Variants in DIAPH2 observed in about 807,000 individuals in gnomAD.
DIAPH2 encodes the protein diaphanous related formin 2.
A neutral mutation model predicts 92.7 loss-of-function variants in DIAPH2; 35 were observed. That is an observed-to-expected ratio of 0.38 (90% CI 0.29 to 0.50). The LOEUF is 0.50. DIAPH2 is among the 20% of genes least tolerant of loss of function. DIAPH2 has a pLI of 0.94. For synonymous variants in DIAPH2, 301 were observed against 280.4 expected, an observed-to-expected ratio of 1.07 and a Z score of -0.73; for missense variants, 701 against 819.5, an observed-to-expected ratio of 0.86 and a Z score of 1.77.
intron 17 of DIAPH2, among the ~76,000 whole-genome samples, chrX:97,001,621 G>A (rs1602704362): frequency 9.0e-6 from 1 of 111,220 alleles, no homozygotes; most frequent in South Asian, 3.8e-4. Flanking sequence ...ACTCCAGCCC[G>A]GGCAACAATG....
chrX:97,385,534 T>C (rs1308226788), intron 25 of DIAPH2, among the ~76,000 whole-genome samples: 1 of 111,357 alleles, frequency 9.0e-6, no homozygotes, highest in Non-Finnish European at 1.9e-5. Context: ...CCCGGCACTT[T>C]TACATATTTT....
At chrX:97,076,815 C>G (rs1298597240) in intron 19 of DIAPH2, among the ~76,000 whole-genome samples, 2 of 111,046 alleles carry the variant, frequency 1.8e-5, no homozygotes, top group Admixed American at 9.6e-5. Context: ...GTTTTTAGAC[C>G]TCCATTCCCT....
intron 4 of DIAPH2, among the ~76,000 whole-genome samples, chrX:96,854,667 C>CAAATG (rs1391996166): frequency 1.2e-5 from 1 of 82,634 alleles, no homozygotes; most frequent in Non-Finnish European, 2.3e-5. Flanking sequence ...AGGCAGCTAC[C>CAAATG]AAATGACTAA....
intron 26 of DIAPH2, among the ~76,000 whole-genome samples, chrX:97,541,488 G>A (rs1018472615): frequency 1.8e-5 from 2 of 111,957 alleles, no homozygotes; most frequent in African/African-American, 3.2e-5. Context: ...CAACATTGCC[G>A]CATATCACAT....
At chrX:97,342,316 T>C (rs1220128968) in intron 23 of DIAPH2, among the ~76,000 whole-genome samples, 2 of 112,306 alleles carry the variant, frequency 1.8e-5, no homozygotes, top group African/African-American at 6.5e-5. Flanking sequence ...TCCTATGCAG[T>C]GTTAGAATGA....
chrX:96,881,728 T>C lies in DIAPH2; in HGVS notation c.587+10T>C. ...CCAGCAATCCGGTCAGGTAAGTCGT[T>C]CTTATCATTTCGGTATGATTCATAC... is the stretch of plus-strand genomic sequence containing the variant. On this transcript the variant is annotated intron_variant, in intron 5 of 26. Coordinates refer to ENST00000324765, the MANE Select transcript of DIAPH2 (RefSeq NM_006729.5). 8.3e-7 allele frequency: 1 copy of C among 1,202,641 alleles called. No individual in the cohort carries two copies. Among genetic ancestry groups the C allele is most frequent in the African/African-American group, 1.7e-5 (1 of 57,546 alleles).
chrX:97,103,176 G>C (rs780928699), intron 20 of DIAPH2, among the ~76,000 whole-genome samples: 7 of 111,570 alleles, frequency 6.3e-5, no homozygotes, highest in Non-Finnish European at 1.1e-4. Flanking sequence ...TTAGGTGGTA[G>C]TATCTCTTGC....
chrX:97,479,611 G>A (rs1166597475), intron 26 of DIAPH2, among the ~76,000 whole-genome samples: 10 of 112,060 alleles, frequency 8.9e-5, no homozygotes, highest in Non-Finnish European at 7.5e-5. Context: ...GGGCAAATTA[G>A]TTAACCTCAC....
rs746981182 is a variant in DIAPH2, at chrX:97,380,585, TTTC to T, written c.3010-3320_3010-3318del. Among the ~76,000 whole-genome samples, 624 of 111,716 alleles carry T rather than the reference TTTC, an allele frequency of 5.6e-3. 2 individuals are homozygous for T. Among genetic ancestry groups the T allele is most frequent in the African/African-American group, 0.019 (592 of 30,765 alleles). On this transcript the variant is annotated intron_variant, in intron 24 of 26. Transcript: ENST00000324765. The stretch of plus-strand genomic sequence containing the variant: ...ACATCCCATCCCTCAAAATAATTTT[TTTC>T]TTCACCAGCTTTTACATTTTTAGAA...
intron 21 of DIAPH2, among the ~76,000 whole-genome samples, chrX:97,137,301 A>ATATATATATATG (rs1555989252): frequency 1.1e-5 from 1 of 93,122 alleles, no homozygotes; most frequent in African/African-American, 3.9e-5. Flanking sequence ...ATATATATAT[A>ATATATATATATG]TGTATAGAAT....
At chrX:97,303,264 T>C (rs1161939663) in intron 23 of DIAPH2, among the ~76,000 whole-genome samples, 1 of 112,280 alleles carries the variant, frequency 8.9e-6, no homozygotes, top group Non-Finnish European at 1.9e-5. Flanking sequence ...CAATGGATTA[T>C]GGTCTGCTTC....
intron 4 of DIAPH2, among the ~76,000 whole-genome samples, chrX:96,809,854 T>C (rs916541410): frequency 8.9e-6 from 1 of 112,305 alleles, no homozygotes; most frequent in African/African-American, 3.2e-5. Context: ...AACTCATCAT[T>C]TTTTATGGCT....
At position 96,814,672 on chromosome X, in the gene DIAPH2, C is replaced by T. The variant is rs765957986; in HGVS notation, c.447+56414C>T. 1.4e-3 allele frequency among the ~76,000 whole-genome samples: 156 copies of T among 111,969 alleles called. 1 individual carries two copies. Among genetic ancestry groups the T allele is most frequent in the African/African-American group, 4.7e-3 (146 of 30,807 alleles). ...TTCTCATCTTTGTGGTTTTATCTAC[C>T]TTTGGTCTTTGAAATGGGTGACCTC... On this transcript the variant is annotated intron_variant, in intron 4 of 26. Transcript: ENST00000324765.
At position 97,599,697 on chromosome X, in the gene DIAPH2, A is replaced by AAAAAG. The variant is rs1281375370; in HGVS notation, c.*383_*387dup. The AAAAAG allele has an allele frequency of 6.4e-5, 8 of 125,436 alleles. No homozygotes were observed. 10.3% of individuals were successfully genotyped at this position (125,436 alleles called of 1,213,427 possible). ...ACCCCCACCAAAAACAAAAGAGAAG[A>AAAAAG]AAAAGAATAGAAAGAATTATCCAGT... On this transcript the variant is annotated 3_prime_UTR_variant, in exon 27 of 27. Transcript: ENST00000324765.
At chrX:96,991,539 G>GTTTTTTT (rs5903062) in intron 17 of DIAPH2, among the ~76,000 whole-genome samples, 1 of 87,329 alleles carries the variant, frequency 1.1e-5, no homozygotes, top group African/African-American at 4.3e-5. Context: ...GTTTTATGGT[G>GTTTTTTT]TTTTTTTTTT....
At chrX:97,198,324 A>G (rs1011801668) in intron 22 of DIAPH2, among the ~76,000 whole-genome samples, 78 of 108,255 alleles carry the variant, frequency 7.2e-4, no homozygotes, top group African/African-American at 2.7e-3. Context: ...ATACATATAT[A>G]TATACACGCA....
In DIAPH2 at chrX:96,751,716, G is replaced by C. The variant is rs374568721; in HGVS notation, c.343-6438G>C. 1.2e-4 allele frequency among the ~76,000 whole-genome samples: 8 copies of C among 66,503 alleles called. No individual in the cohort carries two copies. In the South Asian group the frequency reaches 5.7e-3, roughly 48 times the overall value. 57.7% of individuals were successfully genotyped at this position (66,503 alleles called of 115,157 possible). On this transcript the variant is annotated intron_variant, in intron 3 of 26. Transcript: ENST00000324765. ...TCGCCCAGGCTGGAGTGCAGTGGCG[G>C]GATCTCGGCTCACTGCAAGCTCCGC...
At chrX:97,294,343 C>T (rs2068625512) in intron 23 of DIAPH2, among the ~76,000 whole-genome samples, 1 of 111,871 alleles carries the variant, frequency 8.9e-6, no homozygotes, top group Admixed American at 9.6e-5. Flanking sequence ...AGAAACATTC[C>T]AGTTCGTTGG....
intron 23 of DIAPH2, among the ~76,000 whole-genome samples, chrX:97,344,573 C>T (rs1017120227): frequency 8.9e-6 from 1 of 111,956 alleles, no homozygotes; most frequent in African/African-American, 3.2e-5. Flanking sequence ...AGTGCTGACT[C>T]GCCAGCCATC....
Sources: gnomAD v4.1 joint callset for allele counts (sites outside exome capture counted in the v4.1 genomes callset) on GRCh38, gnomAD v4.1.1 for gene constraint, MANE v1.5 for transcripts, NCBI Gene and HGNC (gene_info 2026-07-23, HGNC 2026-07-21) for gene names.